Variants in RYR2 observed in about 807,000 individuals in gnomAD.
RYR2 encodes ryanodine receptor 2.
RYR2 carries 227 observed loss-of-function variants against 601.1 expected under a neutral mutation model. That is an observed-to-expected ratio of 0.38 (90% confidence interval 0.34 to 0.42). The LOEUF is 0.42. Among genes scored for constraint, RYR2 ranks in the 10% least tolerant of loss-of-function variants. The pLI, the probability that RYR2 is intolerant of heterozygous loss-of-function variation, is 1.00. For missense variants in RYR2, 4,646 were observed against 6,156.5 expected (o/e 0.75, Z 8.21); for synonymous variants, 2,223 against 2,175.1 (o/e 1.02, Z -0.61).
chr1:237,506,220 A>G (rs1170378222), intron 22 of RYR2, among the ~76,000 whole-genome samples: 1 of 151,908 alleles, frequency 6.6e-6, no homozygotes, highest in Non-Finnish European at 1.5e-5. Flanking sequence ...TGTCAAAAAA[A>G]AAAGGTACCA....
chr1:237,109,544 G>A (rs1397809663), intron 1 of RYR2, among the ~76,000 whole-genome samples: 2 of 152,144 alleles, frequency 1.3e-5, no homozygotes, highest in African/African-American at 2.4e-5. Flanking sequence ...ATCTCCCGAA[G>A]GGCCTCGGTG....
At chr1:237,699,510 A>G (rs1166690491) in intron 64 of RYR2, among the ~76,000 whole-genome samples, 27 of 152,236 alleles carry the variant, frequency 1.8e-4, no homozygotes, top group Non-Finnish European at 4.0e-4. Flanking sequence ...CCAGAAATCT[A>G]GCATGTTGAC....
At chr1:237,808,079 T>C (rs1023592610) in intron 99 of RYR2, among the ~76,000 whole-genome samples, 25 of 152,226 alleles carry the variant, frequency 1.6e-4, no homozygotes, top group African/African-American at 5.8e-4. Context: ...GAAAGACCTT[T>C]CAAACAGAGA....
intron 10 of RYR2, among the ~76,000 whole-genome samples, chr1:237,402,881 A>AGGG (rs1703502346): frequency 9.1e-5 from 1 of 11,010 alleles, no homozygotes; most frequent in Non-Finnish European, 2.8e-4. Context: ...TCCTGGCCTC[A>AGGG]AACCATCCCC....
chr1:237,545,517 A>G (rs1669704936), intron 25 of RYR2, among the ~76,000 whole-genome samples: 1 of 152,126 alleles, frequency 6.6e-6, no homozygotes, highest in South Asian at 2.1e-4. Context: ...GCTAGATGGG[A>G]TCAAGGCTGC....
At chr1:237,271,309 G>A (rs890527190) in intron 2 of RYR2, among the ~76,000 whole-genome samples, 7 of 152,140 alleles carry the variant, frequency 4.6e-5, no homozygotes, top group African/African-American at 7.2e-5. Context: ...CAATCGCTCC[G>A]AGGATATTTA....
chr1:237,445,477 C>A lies in RYR2; in HGVS notation c.1247C>A (p.Ala416Asp), dbSNP rs1439185932. Residue 416 changes from alanine (A) to aspartate (D), a missense_variant, in exon 14 of 105, where the codon GCC becomes GAC. Physicochemically the swap from Ala to Asp is moderately radical, Grantham distance 126. This residue lies in a region of RYR2 where 1,807 missense variants were observed against 2,088.1 expected (regional missense o/e 0.87). Transcript: ENST00000366574. ...TCCCAGCATGAAGAATCACGCACAG[C>A]CCGAGTTATCCGGAGCACAGTCTTC... ...SRSQHEESRT[A>D]RVIRSTVFLF... The A allele has an allele frequency of 6.2e-7, 1 of 1,613,578 alleles. No individual in the cohort carries two copies. Among genetic ancestry groups the A allele is most frequent in the Non-Finnish European group, 8.5e-7 (1 of 1,179,704 alleles).
At chr1:237,809,423 T>C (rs1164923030) in intron 100 of RYR2, among the ~76,000 whole-genome samples, 1 of 152,250 alleles carries the variant, frequency 6.6e-6, no homozygotes, top group African/African-American at 2.4e-5. Flanking sequence ...TTCAAAAATA[T>C]ATCTCTTCCT....
intron 63 of RYR2, among the ~76,000 whole-genome samples, chr1:237,693,583 A>G (rs1277284774): frequency 1.3e-5 from 2 of 152,188 alleles, no homozygotes; most frequent in Non-Finnish European, 2.9e-5. Context: ...CCTAGAACCC[A>G]ATGTATAACA....
intron 1 of RYR2, among the ~76,000 whole-genome samples, chr1:237,191,026 T>C (rs960561078): frequency 6.6e-6 from 1 of 152,206 alleles, no homozygotes; most frequent in African/African-American, 2.4e-5. Flanking sequence ...TGTTTTCTTC[T>C]AGGAGTTTTA....
intron 1 of RYR2, among the ~76,000 whole-genome samples, chr1:237,118,055 A>C (rs1670335411): frequency 6.6e-6 from 1 of 152,188 alleles, no homozygotes; most frequent in Non-Finnish European, 1.5e-5. Context: ...TGATTGTTTC[A>C]ATCAATTTTC....
intron 1 of RYR2, among the ~76,000 whole-genome samples, chr1:237,225,720 T>G (rs1420453740): frequency 6.6e-6 from 1 of 152,158 alleles, no homozygotes; most frequent in Non-Finnish European, 1.5e-5. Flanking sequence ...TGGGTGGGAC[T>G]AGAGGGAATT....
Position 237,788,116 on chromosome 1 carries a change from C to T in RYR2, c.13457C>T (p.Ala4486Val). 1 of 1,610,756 alleles carries T rather than the reference C, an allele frequency of 6.2e-7. No individual in the cohort carries two copies. The highest frequency in any genetic ancestry group is 1.1e-5 in the South Asian group (1 of 90,400). ...TCAGCATTCTGGAAGAAAATCATAG[C>T]ATATCAACAGAAACTTCTAGTAAGA... ...PESAFWKKII[A>V]YQQKLLNYFA... Residue 4486 changes from alanine (A) to valine (V), a missense_variant, in exon 92 of 105, where the codon GCA (alanine) becomes GTA (valine). Ala to Val is a moderately conservative substitution (Grantham distance 64). This residue lies in a region of RYR2 where 364 missense variants were observed against 442.9 expected (regional missense o/e 0.82). Coordinates refer to ENST00000366574, the MANE Select transcript of RYR2 (RefSeq NM_001035.3).
At chr1:237,578,309 AT>A (rs1270139336) in intron 29 of RYR2, among the ~76,000 whole-genome samples, 1 of 150,858 alleles carries the variant, frequency 6.6e-6, no homozygotes, top group East Asian at 2.0e-4. Flanking sequence ...AGAAAAAAAA[AT>A]GGCTCAGGTA....
Position 237,784,357 on chromosome 1 carries a change from A to G in RYR2, c.12645A>G (p.Ser4215=). The change falls in exon 90 of 105, where the codon TCA becomes TCG. Residue 4215 remains serine (S), a synonymous_variant. Coordinates refer to ENST00000366574, the MANE Select transcript of RYR2 (RefSeq NM_001035.3). The surrounding 1 kb of genome is among the most constrained non-coding windows in gnomAD (Gnocchi z 7.1). ...CGGAGTCGGACTTGAACGAGAGGTCAGCGAATAAGGAAGAAAGCGAGAAGG... is the reference window on the plus strand; with the variant it reads ...CGGAGTCGGACTTGAACGAGAGGTCGGCGAATAAGGAAGAAAGCGAGAAGG... ...QISESDLNER[S]ANKEESEKER... is the part of the protein sequence containing the mutation. The G allele has an allele frequency of 1.2e-6, 2 of 1,613,980 alleles. No homozygotes were observed. Among genetic ancestry groups the G allele is most frequent in the Non-Finnish European group, 1.7e-6 (2 of 1,179,872 alleles).
intron 3 of RYR2, chr1:237,352,709 A>C (rs1419388966): frequency 9.0e-6 from 2 of 222,306 alleles, no homozygotes; most frequent in Non-Finnish European, 1.9e-5. Flanking sequence ...TGTTACAATA[A>C]GACCGTTGGG....
intron 87 of RYR2, among the ~76,000 whole-genome samples, 168 bp from the exon 88 acceptor site, chr1:237,778,498 A>G (rs1694842702): frequency 6.6e-6 from 1 of 152,144 alleles, no homozygotes; most frequent in Non-Finnish European, 1.5e-5. Flanking sequence ...CTTAAGGATC[A>G]TTATCATCAC....
intron 2 of RYR2, among the ~76,000 whole-genome samples, chr1:237,281,807 T>C (rs1210449198): frequency 3.3e-5 from 5 of 152,206 alleles, no homozygotes; most frequent in Non-Finnish European, 7.3e-5. Context: ...GATTGTGGTT[T>C]TGATGATGGT....
chr1:237,641,131 C>G (rs1681423862), intron 47 of RYR2, 129 bp downstream of exon 47: 2 of 557,132 alleles, frequency 3.6e-6, no homozygotes, highest in Non-Finnish European at 3.0e-6. Context: ...TAGCTGCAGT[C>G]TAATCACTGA....
Sources: allele counts gnomAD v4.1 joint callset (sites outside exome capture counted in the v4.1 genomes callset), GRCh38; gene constraint gnomAD v4.1.1; regional missense constraint gnomAD v4.1.1; non-coding constraint Gnocchi (gnomAD v3.1); transcripts MANE v1.5; gene names NCBI Gene and HGNC (gene_info 2026-07-23, HGNC 2026-07-21).